Variants in SACS observed in about 807,000 individuals in gnomAD.
SACS encodes sacsin molecular chaperone, also known as sacsin.
SACS carries 197 observed loss-of-function variants against 348.0 expected under a neutral mutation model. That is an observed-to-expected ratio of 0.57 (90% CI 0.50 to 0.64). The LOEUF is 0.64. SACS is among the 30% of genes least tolerant of loss of function. The probability of loss-of-function intolerance (pLI) is 0.00; values close to 1 mark genes in which losing one functional copy is unlikely to be tolerated. For synonymous variants in SACS, 1,985 were observed against 1,910.6 expected, an observed-to-expected ratio of 1.04 and a Z score of -1.02; for missense variants, 4,999 against 5,360.8, an observed-to-expected ratio of 0.93 and a Z score of 2.11.
chr13:23,426,733 G>A (rs1299318310), intron 1 of SACS, among the ~76,000 whole-genome samples: 1 of 152,090 alleles, frequency 6.6e-6, no homozygotes, highest in Non-Finnish European at 1.5e-5. Flanking sequence ...AGTCAGACAG[G>A]TGATACACAA....
intron 1 of SACS, among the ~76,000 whole-genome samples, chr13:23,418,139 A>G (rs1261619569): frequency 6.6e-6 from 1 of 152,106 alleles, no homozygotes; most frequent in Non-Finnish European, 1.5e-5. Context: ...ATAAAATAGA[A>G]GATATTTGCC....
At chr13:23,385,605 GC>G (rs1872257933) in intron 2 of SACS, among the ~76,000 whole-genome samples, 1 of 151,944 alleles carries the variant, frequency 6.6e-6, no homozygotes, top group African/African-American at 2.4e-5. Flanking sequence ...TGATCCACCC[GC>G]CTCGGCCACC....
In SACS at chr13:23,333,652, CTT is replaced by C; in HGVS notation, c.10222_10223del (p.Lys3408ValfsTer6). 6.2e-7 allele frequency: 1 copy of C among 1,613,748 alleles called. No homozygotes were observed. Among genetic ancestry groups the C allele is most frequent in the Non-Finnish European group, 8.5e-7 (1 of 1,179,768 alleles). On this transcript the variant is annotated frameshift_variant, in exon 10 of 10. Coordinates refer to ENST00000382292, the MANE Select transcript of SACS (RefSeq NM_014363.6). LOFTEE classifies it high-confidence loss of function. Reference protein sequence around the residue: ...LMSQDDIKILKSLPCYKSISG... With the variant: ...LMSQDDIKILXSLPCYKSISG... ...TGATGGATTTATAGCACGGAAGTGA[CTT>C]TAGAATTTTTATATCATCTTGGGAC... is the stretch of plus-strand genomic sequence containing the variant.
chr13:23,367,578 CTT>C (rs964797278), intron 5 of SACS, among the ~76,000 whole-genome samples: 1 of 152,004 alleles, frequency 6.6e-6, no homozygotes, highest in Non-Finnish European at 1.5e-5. Flanking sequence ...ATTGGTTTTT[CTT>C]TTTTTGTTGT....
rs1868528538 is a variant in SACS, at chr13:23,335,764, A to G, written c.8112T>C (p.Asn2704=). Residue 2704 remains asparagine, a synonymous_variant, in exon 10 of 10, where the codon AAT becomes AAC. Coordinates refer to ENST00000382292, the MANE Select transcript of SACS (RefSeq NM_014363.6). This position sits in a 1 kb window ranked among gnomAD's most constrained non-coding sequence, Gnocchi z 4.7. ...NCTMFRFPLR[N]AEMAKVSEIS... The stretch of plus-strand genomic sequence containing the variant: ...TTTCCGAAACTTTTGCCATTTCTGC[A>G]TTACGAAGAGGAAATCTGAACATTG... 1.9e-6 allele frequency: 3 copies of G among 1,613,938 alleles called. No individual in the cohort carries two copies. The highest frequency in any genetic ancestry group is 1.7e-6 in the Non-Finnish European group (2 of 1,179,916).
intron 1 of SACS, among the ~76,000 whole-genome samples, chr13:23,419,572 G>A (rs1420329033): frequency 6.6e-6 from 1 of 152,150 alleles, no homozygotes; most frequent in East Asian, 1.9e-4. Context: ...ATTTCTTGGT[G>A]TGCGTGGTTG....
chr13:23,400,269 T>C (rs1256643540), intron 2 of SACS, among the ~76,000 whole-genome samples: 1 of 152,214 alleles, frequency 6.6e-6, no homozygotes, highest in African/African-American at 2.4e-5. Flanking sequence ...TGAGACTGAA[T>C]TGTAAGTCAC....
At chr13:23,345,883 G>T (rs1034625037) in intron 9 of SACS, among the ~76,000 whole-genome samples, 15 of 151,936 alleles carry the variant, frequency 9.9e-5, no homozygotes, top group African/African-American at 3.6e-4. Flanking sequence ...AGGACCACTA[G>T]TTGAGTCAAA....
chr13:23,408,735 G>A (rs910404241), intron 2 of SACS, among the ~76,000 whole-genome samples: 2 of 152,038 alleles, frequency 1.3e-5, no homozygotes, highest in African/African-American at 4.8e-5. Context: ...GGAGGCCGAG[G>A]CGGGTGGATC....
At chr13:23,423,426 A>C (rs1181036476) in intron 1 of SACS, among the ~76,000 whole-genome samples, 1 of 152,116 alleles carries the variant, frequency 6.6e-6, no homozygotes, top group Non-Finnish European at 1.5e-5. Flanking sequence ...TCTATCACTA[A>C]TAACAAAAAA....
chr13:23,337,057 T>C lies in SACS; in HGVS notation c.6819A>G (p.Ser2273=), dbSNP rs775128756. The stretch of plus-strand genomic sequence containing the variant: ...AAAACTCTTTAACAGCCAATGACAC[T>C]GAACCACAACCTCTAAAAGAATGGG... The part of the protein sequence containing the change: ...ENSHSFRGCG[S]VSLAVKEFLG... Residue 2273 remains serine (S), a synonymous_variant, in exon 10 of 10, where the codon TCA becomes TCG. Coordinates refer to ENST00000382292, the MANE Select transcript of SACS (RefSeq NM_014363.6). 6.2e-7 allele frequency: 1 copy of C among 1,614,014 alleles called. No individual in the cohort carries two copies.
At chr13:23,423,937 T>A (rs946495863) in intron 1 of SACS, among the ~76,000 whole-genome samples, 1 of 152,206 alleles carries the variant, frequency 6.6e-6, no homozygotes, top group Non-Finnish European at 1.5e-5. Flanking sequence ...ATCCTATATA[T>A]GAATATACGA....
chr13:23,431,516 C>G (rs1162512661), intron 1 of SACS, among the ~76,000 whole-genome samples: 4 of 152,192 alleles, frequency 2.6e-5, no homozygotes, highest in Non-Finnish European at 5.9e-5. Flanking sequence ...CAAATTGCCA[C>G]CCAGGCTGTC....
chr13:23,399,215 C>T (rs1872846843), intron 2 of SACS, among the ~76,000 whole-genome samples: 1 of 152,008 alleles, frequency 6.6e-6, no homozygotes, highest in South Asian at 2.1e-4. Context: ...CAGAAACATC[C>T]CAAACTCCTC....
chr13:23,416,679 C>A (rs767669156), intron 1 of SACS, among the ~76,000 whole-genome samples: 5 of 151,632 alleles, frequency 3.3e-5, no homozygotes, highest in Non-Finnish European at 5.9e-5. Flanking sequence ...ATTGCTTGAG[C>A]CCGGGAGGCA....
chr13:23,414,186 C>A lies in SACS; in HGVS notation c.-501-2446G>T, dbSNP rs528866656. ...GGGCGTGGTGGCGGGCACCTGTAGT[C>A]CCAGCTACTCAGGAGGCTGAGGCAG... On this transcript the variant is annotated intron_variant, in intron 1 of 9. Coordinates refer to ENST00000382292, the MANE Select transcript of SACS (RefSeq NM_014363.6). Among the ~76,000 whole-genome samples, 3 of 152,290 alleles carry A rather than the reference C, an allele frequency of 2.0e-5. No individual in the cohort carries two copies. In the South Asian group the frequency reaches 6.2e-4, roughly 32 times the overall value.
intron 2 of SACS, among the ~76,000 whole-genome samples, chr13:23,378,152 A>G (rs1420963012): frequency 3.3e-5 from 5 of 152,242 alleles, no homozygotes; most frequent in Admixed American, 2.6e-4. Context: ...AGGATTGTAC[A>G]GATTTTACAT....
rs1333332070 is a variant in SACS, at chr13:23,330,504, A to G, written c.13372T>C (p.Phe4458Leu). ...RRWLRQARANFSAARNDLHKN... is the reference protein window; with the variant it reads ...RRWLRQARANLSAARNDLHKN... ...TGAAGGTCATTCCTGGCAGCTGAGA[A>G]GTTTGCTCTGGCTTGTCTTAGCCAT... is the stretch of plus-strand genomic sequence containing the variant. Residue 4458 changes from phenylalanine (F) to leucine (L), a missense_variant, in exon 10 of 10, where the codon TTC becomes CTC. This residue lies in a region of SACS where 254 missense variants were observed against 275.1 expected (regional missense o/e 0.92). Coordinates refer to ENST00000382292, the MANE Select transcript of SACS (RefSeq NM_014363.6). 1 of 1,614,196 alleles carries G rather than the reference A, an allele frequency of 6.2e-7. No homozygotes were observed. The highest frequency in any genetic ancestry group is 8.5e-7 in the Non-Finnish European group (1 of 1,180,026).
chr13:23,394,610 T>C (rs1872643487), intron 2 of SACS, among the ~76,000 whole-genome samples: 1 of 152,184 alleles, frequency 6.6e-6, no homozygotes, highest in Admixed American at 6.5e-5. Context: ...TCCCAGCACT[T>C]TGGGAGGCTG....
Sources: allele counts gnomAD v4.1 joint callset (sites outside exome capture counted in the v4.1 genomes callset), GRCh38; gene constraint gnomAD v4.1.1; regional missense constraint gnomAD v4.1.1; non-coding constraint Gnocchi (gnomAD v3.1); transcripts MANE v1.5; gene names NCBI Gene and HGNC (gene_info 2026-07-23, HGNC 2026-07-21).